The following ZNF512 variants were observed in gnomAD, a reference collection of about 807,000 sequenced individuals.
The protein encoded by ZNF512 is zinc finger protein 512.
In ZNF512, 25 loss-of-function variants were observed where a neutral mutation model predicts 77.5. The observed-to-expected ratio is 0.32, with a 90% CI of 0.23 to 0.45. ZNF512 has a LOEUF of 0.45. ZNF512 is among the 20% of genes least tolerant of loss of function. ZNF512 has a pLI of 1.00. For synonymous variants in ZNF512, 246 were observed against 239.9 expected, an observed-to-expected ratio of 1.03 and a Z score of -0.24; for missense variants, 483 against 692.6, an observed-to-expected ratio of 0.70 and a Z score of 3.40.
At chr2:27,599,813 C>T in intron 4 of ZNF512, 135 bp downstream of exon 4, 1 of 1,139,876 alleles carries the variant, frequency 8.8e-7, no homozygotes, top group Non-Finnish European at 1.3e-6. Context: ...AGGGAATGGC[C>T]TCCATCCTGC....
chr2:27,585,806 A>G (rs997952461), intron 2 of ZNF512, among the ~76,000 whole-genome samples: 2 of 152,250 alleles, frequency 1.3e-5, no homozygotes, highest in Admixed American at 1.3e-4. Context: ...AAATTATAAA[A>G]TAAATGCAAT....
At chr2:27,583,533 C>T (rs1671204596) in intron 1 of ZNF512, 125 bp from the exon 2 acceptor site, 1 of 1,519,918 alleles carries the variant, frequency 6.6e-7, no homozygotes, top group Non-Finnish European at 8.8e-7. Context: ...AAAGGTGTTG[C>T]CTTCTTGTGT....
At chr2:27,606,683 C>T (rs1053933401) in intron 9 of ZNF512, among the ~76,000 whole-genome samples, 4 of 152,096 alleles carry the variant, frequency 2.6e-5, no homozygotes, top group Non-Finnish European at 4.4e-5. Flanking sequence ...TTTTCTGTTG[C>T]TACTGTGAAT....
At chr2:27,614,614 C>T (rs965408075) in intron 10 of ZNF512, among the ~76,000 whole-genome samples, 2 of 150,658 alleles carry the variant, frequency 1.3e-5, no homozygotes, top group African/African-American at 4.9e-5. Context: ...GGAGGCGGAG[C>T]TTGCAGTGAG....
Position 27,600,712 on chromosome 2 carries a change from A to C in ZNF512, c.479A>C (p.Tyr160Ser), listed in dbSNP as rs1672081141. ...GTAGGCAGTTTGGAGGAGCAATGGT[A>C]CTTAGAAATCGTTGATAAAGGCAGT... Reference protein sequence around the residue: ...YAAGSLEEQWYLEIVDKGSVS... With the variant: ...YAAGSLEEQWSLEIVDKGSVS... The change falls in exon 6 of 14, where the codon TAC (tyrosine) becomes TCC (serine). Residue 160 changes from tyrosine (Y) to serine (S), a missense_variant. Around this residue, in one of 2 missense-constraint regions of ZNF512, gnomAD observed 324 missense variants for 525.0 expected, o/e 0.62. Coordinates refer to ENST00000355467, the MANE Select transcript of ZNF512 (RefSeq NM_032434.4). The C allele has an allele frequency of 1.2e-6, 2 of 1,613,940 alleles. No individual in the cohort carries two copies. The highest frequency in any genetic ancestry group is 4.5e-5 in the East Asian group (2 of 44,868).
intron 8 of ZNF512, 112 bp downstream of exon 8, chr2:27,602,673 C>T (rs1672174469): frequency 2.4e-6 from 2 of 820,272 alleles, no homozygotes; most frequent in Middle Eastern, 2.4e-4. Context: ...TCTGTACTAT[C>T]TTGGTCTCTT....
intron 3 of ZNF512, among the ~76,000 whole-genome samples, chr2:27,599,110 T>TCA (rs201308744): frequency 0.022 from 3,424 of 152,240 alleles, 52 homozygotes; most frequent in Middle Eastern, 0.071. Context: ...GTCTGTAATC[T>TCA]CAAAGTGCTG....
chr2:27,611,577 T>C (rs4665999), intron 10 of ZNF512, among the ~76,000 whole-genome samples: 87,722 of 152,006 alleles, frequency 0.58, 26,066 homozygotes, highest in East Asian at 0.84. Context: ...GGCAAAACTA[T>C]AATCTTCCCA....
At chr2:27,591,674 G>A (rs1671588287) in intron 2 of ZNF512, among the ~76,000 whole-genome samples, 1 of 152,216 alleles carries the variant, frequency 6.6e-6, no homozygotes, top group Non-Finnish European at 1.5e-5. Flanking sequence ...CTCCCAAAGT[G>A]TCGGGATTAC....
chr2:27,585,911 A>G (rs1460252153), intron 2 of ZNF512, among the ~76,000 whole-genome samples: 1 of 152,202 alleles, frequency 6.6e-6, no homozygotes, highest in Non-Finnish European at 1.5e-5. Flanking sequence ...AAATAATCAA[A>G]TGTCCTGGGG....
chr2:27,606,516 C>T (rs186013843), intron 9 of ZNF512, among the ~76,000 whole-genome samples: 93 of 152,152 alleles, frequency 6.1e-4, no homozygotes, highest in African/African-American at 1.9e-3. Context: ...TGCCCGCCAC[C>T]GTGCCTGGCT....
chr2:27,583,835 G>C, intron 2 of ZNF512, 119 bp downstream of exon 2: 2 of 1,129,418 alleles, frequency 1.8e-6, no homozygotes, highest in Non-Finnish European at 2.4e-6. Context: ...CCACTAACCC[G>C]GTGTGGATTT....
At chr2:27,600,362 T>C (rs1312131831) in intron 5 of ZNF512, among the ~76,000 whole-genome samples, 1 of 152,250 alleles carries the variant, frequency 6.6e-6, no homozygotes, top group Non-Finnish European at 1.5e-5. Flanking sequence ...CACATAAGAA[T>C]CACTCAGCAG....
In ZNF512 at chr2:27,592,667, CTTTTTTTTTTTTTTTTTT is replaced by C. The variant is rs139890307; in HGVS notation, c.90-5387_90-5370del. ...TACCCATATAATTTACCATGTTTAC[CTTTTTTTTTTTTTTTTTT>C]TTTTTTTTTTTTGTTTGAGACAGAG... On this transcript the variant is annotated intron_variant, in intron 2 of 13. Transcript: ENST00000355467. 7.1e-4 allele frequency among the ~76,000 whole-genome samples: 58 copies of C among 81,562 alleles called. 1 individual carries two copies. In the Admixed American group the frequency reaches 7.7e-3, roughly 11 times the overall value. 53.5% of individuals were successfully genotyped at this position (81,562 alleles called of 152,430 possible).
chr2:27,606,586 C>T (rs1672373017), intron 9 of ZNF512, among the ~76,000 whole-genome samples: 1 of 152,100 alleles, frequency 6.6e-6, no homozygotes, highest in Non-Finnish European at 1.5e-5. Context: ...GTCTTGAACT[C>T]CTGACCTCAG....
At chr2:27,602,850 A>G (rs1193638291) in intron 8 of ZNF512, among the ~76,000 whole-genome samples, 2 of 151,712 alleles carry the variant, frequency 1.3e-5, no homozygotes, top group African/African-American at 2.4e-5. Flanking sequence ...TGGGTATTTG[A>G]TATTGGGATG....
At chr2:27,604,103 T>G (rs1013543576) in intron 9 of ZNF512, among the ~76,000 whole-genome samples, 1 of 151,940 alleles carries the variant, frequency 6.6e-6, no homozygotes, top group Non-Finnish European at 1.5e-5. Flanking sequence ...ATTTTTGTAT[T>G]TTTATTAGAG....
chr2:27,602,337 A>T, intron 7 of ZNF512, 126 bp from the exon 8 acceptor site: 1 of 799,358 alleles, frequency 1.3e-6, no homozygotes, highest in Non-Finnish European at 1.9e-6. Flanking sequence ...AGGAGTCAGA[A>T]AACTTGGGCT....
intron 11 of ZNF512, among the ~76,000 whole-genome samples, chr2:27,615,812 T>G (rs1480337609): frequency 6.6e-6 from 1 of 152,220 alleles, no homozygotes; most frequent in Non-Finnish European, 1.5e-5. Flanking sequence ...GCAGCCATCT[T>G]TATTTTTACG....
Sources: allele counts gnomAD v4.1 joint callset (sites outside exome capture counted in the v4.1 genomes callset), GRCh38; gene constraint gnomAD v4.1.1; regional missense constraint gnomAD v4.1.1; transcripts MANE v1.5; gene names NCBI Gene and HGNC (gene_info 2026-07-23, HGNC 2026-07-21).